Variants in GPM6A observed in about 807,000 individuals in gnomAD.
The protein encoded by GPM6A is glycoprotein M6A, also known as neuronal membrane glycoprotein M6-a.
GPM6A carries 7 observed loss-of-function variants against 32.1 expected under a neutral mutation model. That is an observed-to-expected ratio of 0.22 (90% CI 0.12 to 0.41). The LOEUF is 0.41. GPM6A is among the 10% of genes least tolerant of loss of function. The probability of loss-of-function intolerance (pLI) is 1.00; values close to 1 mark genes in which losing one functional copy is unlikely to be tolerated. For synonymous variants in GPM6A, 130 were observed against 123.4 expected (o/e 1.05, Z -0.35); for missense variants, 235 against 347.2 (o/e 0.68, Z 2.57).
chr4:175,699,654 G>A (rs978561374), intron 2 of GPM6A, among the ~76,000 whole-genome samples: 1 of 151,970 alleles, frequency 6.6e-6, no homozygotes, highest in African/African-American at 2.4e-5. Flanking sequence ...GTATGTGTGG[G>A]GGGTGGAGGG....
chr4:175,913,862 C>T (rs2172919), intron 1 of GPM6A, among the ~76,000 whole-genome samples: 146,557 of 152,258 alleles, frequency 0.96, 70,784 homozygotes, highest in East Asian at 1. Context: ...ATCATACCTA[C>T]CACCTGGTAA....
intron 2 of GPM6A, among the ~76,000 whole-genome samples, chr4:175,683,438 T>G (rs761163926): frequency 6.6e-6 from 1 of 152,120 alleles, no homozygotes; most frequent in African/African-American, 2.4e-5. Context: ...GGGTGACTGT[T>G]GGGAAGGCAT....
intron 1 of GPM6A, chr4:175,808,515 T>C (rs1002890276): frequency 6.6e-6 from 1 of 152,210 alleles, no homozygotes; most frequent in Admixed American, 6.5e-5. Flanking sequence ...GTTAGTGCTA[T>C]TGAGCTAAGG....
chr4:175,717,310 G>C (rs765721912), intron 1 of GPM6A, among the ~76,000 whole-genome samples: 3 of 152,150 alleles, frequency 2.0e-5, no homozygotes, highest in Non-Finnish European at 4.4e-5. Flanking sequence ...GTCCATGAAA[G>C]AGAACACTAC....
At chr4:175,973,291 A>C (rs1039745733) in intron 1 of GPM6A, among the ~76,000 whole-genome samples, 3 of 152,256 alleles carry the variant, frequency 2.0e-5, no homozygotes, top group African/African-American at 7.2e-5. Context: ...AAAAACAAGC[A>C]TGACCCAAGA....
At chr4:175,849,575 A>G (rs1736189422) in intron 1 of GPM6A, among the ~76,000 whole-genome samples, 1 of 152,202 alleles carries the variant, frequency 6.6e-6, no homozygotes, top group Non-Finnish European at 1.5e-5. Context: ...CCAGATTAAC[A>G]TGGAAACGGT....
At chr4:175,682,916 G>A (rs1302783490) in intron 2 of GPM6A, among the ~76,000 whole-genome samples, 3 of 152,200 alleles carry the variant, frequency 2.0e-5, no homozygotes, top group Non-Finnish European at 2.9e-5. Context: ...CAGAAAAAGA[G>A]TTTGGAGCTC....
At chr4:175,744,584 T>A (rs891438778) in intron 1 of GPM6A, among the ~76,000 whole-genome samples, 5 of 152,118 alleles carry the variant, frequency 3.3e-5, no homozygotes, top group South Asian at 2.1e-4. Flanking sequence ...TTTTCTTTTT[T>A]AAAAAATAGC....
At chr4:175,666,164 C>A (rs1232787506) in intron 3 of GPM6A, among the ~76,000 whole-genome samples, 3 of 152,056 alleles carry the variant, frequency 2.0e-5, no homozygotes, top group African/African-American at 7.2e-5. Flanking sequence ...AGGTGATCCA[C>A]CTGCCTCGGT....
intron 1 of GPM6A, among the ~76,000 whole-genome samples, chr4:175,847,521 T>TC (rs1394174128): frequency 6.6e-6 from 1 of 152,124 alleles, no homozygotes; most frequent in Non-Finnish European, 1.5e-5. Context: ...TTAGTAGCCT[T>TC]CCTGGTTATC....
At chr4:175,939,204 C>T (rs1739332298) in intron 1 of GPM6A, among the ~76,000 whole-genome samples, 1 of 152,122 alleles carries the variant, frequency 6.6e-6, no homozygotes, top group Admixed American at 6.6e-5. Flanking sequence ...GCAAGGAAGA[C>T]CCAGTATTGT....
intron 2 of GPM6A, among the ~76,000 whole-genome samples, chr4:175,674,273 G>A (rs1461631906): frequency 3.9e-5 from 6 of 152,114 alleles, no homozygotes; most frequent in Non-Finnish European, 5.9e-5. Flanking sequence ...TGCCTGCCGT[G>A]TTCAAGTGAT....
intron 1 of GPM6A, among the ~76,000 whole-genome samples, chr4:175,937,020 C>G (rs1739263115): frequency 6.6e-6 from 1 of 152,086 alleles, no homozygotes; most frequent in Admixed American, 6.5e-5. Context: ...ATCTTTTCCT[C>G]AGATACCTAT....
chr4:175,942,847 T>G (rs1441480813), intron 1 of GPM6A, among the ~76,000 whole-genome samples: 1 of 152,174 alleles, frequency 6.6e-6, no homozygotes, highest in Non-Finnish European at 1.5e-5. Context: ...CTTAGGATTG[T>G]CTTGGCTGTA....
At chr4:175,806,609 C>G (rs1434301543) in intron 1 of GPM6A, among the ~76,000 whole-genome samples, 3 of 152,128 alleles carry the variant, frequency 2.0e-5, no homozygotes, top group Non-Finnish European at 2.9e-5. Context: ...ATATCTAAAC[C>G]ACAGCAGACA....
chr4:175,893,989 G>A lies in GPM6A; in HGVS notation c.-22-81740C>T, dbSNP rs73871256. On this transcript the variant is annotated intron_variant, in intron 1 of 7. Coordinates refer to the GPM6A transcript ENST00000280187. ...CTCTGAGATCATTCCTGTTGAAATG[G>A]ATTGGTCAAAAATCCAATCCTTAAA... Among the ~76,000 whole-genome samples the A allele has an allele frequency of 8.2e-3, 1,252 of 152,126 alleles. 17 individuals carry two copies. Among genetic ancestry groups the A allele is most frequent in the African/African-American group, 0.028 (1,180 of 41,486 alleles).
chr4:175,771,109 C>G (rs1733169487), intron 1 of GPM6A, among the ~76,000 whole-genome samples: 1 of 152,084 alleles, frequency 6.6e-6, no homozygotes, highest in Non-Finnish European at 1.5e-5. Context: ...CTATCCTAAC[C>G]TATCTCACCT....
At chr4:175,687,973 T>C (rs1426377780) in intron 2 of GPM6A, among the ~76,000 whole-genome samples, 2 of 152,196 alleles carry the variant, frequency 1.3e-5, no homozygotes, top group Non-Finnish European at 2.9e-5. Flanking sequence ...TGTTGGCCAA[T>C]TGTAAGTCTT....
At chr4:175,787,421 C>A in intron 1 of GPM6A, 1 of 1,529,872 alleles carries the variant, frequency 6.5e-7, no homozygotes, top group Non-Finnish European at 8.7e-7. Flanking sequence ...GGCATAAGCT[C>A]TCTCCTGTGA....
Sources: gnomAD v4.1 joint callset for allele counts (sites outside exome capture counted in the v4.1 genomes callset) on GRCh38, gnomAD v4.1.1 for gene constraint, MANE v1.5 for transcripts, NCBI Gene and HGNC (gene_info 2026-07-23, HGNC 2026-07-21) for gene names.